Variants in MUC22 observed in about 807,000 individuals in gnomAD.
MUC22 encodes mucin 22, also known as mucin-22.
Under a neutral mutation model 40.3 loss-of-function variants are expected in MUC22, and 24 were observed. The ratio of observed to expected loss-of-function variants is 0.60; its 90% CI spans 0.43 to 0.84. The LOEUF is 0.84. MUC22 is among the 40% of genes least tolerant of loss of function. The pLI, the probability that MUC22 is intolerant of heterozygous loss-of-function variation, is 0.00. For synonymous variants in MUC22, 765 were observed against 844.5 expected (o/e 0.91, Z 1.63); for missense variants, 1,926 against 2,130.7 (o/e 0.90, Z 1.89).
exon 4 of MUC22, chr6:31,034,910 G>A: frequency 6.5e-7 from 1 of 1,535,602 alleles, no homozygotes; most frequent in Non-Finnish European, 8.7e-7. Context: ...AATCATGGCG[G>A]GCATTATGGA....
At chr6:31,025,641 C>T (rs1765222483) in exon 2 of MUC22, 1 of 1,533,264 alleles carries the variant, frequency 6.5e-7, no homozygotes, top group Non-Finnish European at 8.7e-7. Flanking sequence ...CAGACTCTAC[C>T]ACAGGCTCTG....
At chr6:31,007,856 G>A (rs1326129434), upstream of MUC22, among the ~76,000 whole-genome samples, 1 of 152,054 alleles carries the variant, frequency 6.6e-6, no homozygotes, top group Non-Finnish European at 1.5e-5. This position sits in a 1 kb window ranked among gnomAD's most constrained non-coding sequence, Gnocchi z 4.0. Flanking sequence ...TCTCCAAGGA[G>A]GCATTTAAAA....
chr6:31,009,493 G>A (rs915779081), upstream of MUC22, among the ~76,000 whole-genome samples: 1 of 152,208 alleles, frequency 6.6e-6, no homozygotes, highest in Admixed American at 6.5e-5. Flanking sequence ...GAGGTAGCCA[G>A]TATTTTGACT....
rs895857364 is a variant in MUC22 at position 31,029,666 on chromosome 6, G to A, written c.4235G>A (p.Gly1412Asp). ...GAGACCACCACAGTCTCTACCATAGGCTCTGAGGCCACCACATCCTCTGCT... is the reference window on the plus strand; with the variant it reads ...GAGACCACCACAGTCTCTACCATAGACTCTGAGGCCACCACATCCTCTGCT... Residue 1412 changes from glycine (G) to aspartate (D), a missense_variant, in exon 2 of 4, where the codon GGC becomes GAC. By Grantham distance (94) the Gly-to-Asp change is moderately conservative. Around this residue, in one of 3 missense-constraint regions of MUC22, gnomAD observed 610 missense variants for 714.6 expected, o/e 0.85. Transcript: ENST00000561890. 9 of 1,532,238 alleles carry A rather than the reference G, an allele frequency of 5.9e-6. No homozygotes were observed. The African/African-American group carries it at 1.3e-4, about 21-fold the overall frequency. 94.9% of individuals were successfully genotyped at this position (1,532,238 alleles called of 1,614,324 possible).
rs746635190 is a variant in MUC22 at position 31,032,568 on chromosome 6, T to A, written c.5042T>A (p.Leu1681Gln). Residue 1681 changes from leucine to glutamine, a missense_variant, in exon 3 of 4, where the codon CTG becomes CAG. Physicochemically the swap from Leu to Gln is moderately radical, Grantham distance 113. Coordinates refer to ENST00000561890, the Ensembl canonical transcript of MUC22. This position sits in a 1 kb window ranked among gnomAD's most constrained non-coding sequence, Gnocchi z 4.1. ...GCTGCTGTTGGATTGTCAGTAGGAC[T>A]GAGTTTTTGTCTGGTGAGTACCCAG... 1 of 1,534,338 alleles carries A rather than the reference T, an allele frequency of 6.5e-7. No homozygotes were observed. The highest frequency in any genetic ancestry group is 1.2e-5 in the South Asian group (1 of 83,866).
chr6:31,034,965 G>A (rs4713424), exon 4 of MUC22: 133,047 of 1,524,362 alleles, frequency 0.087, 8,909 homozygotes, highest in African/African-American at 0.32. Flanking sequence ...ATCACAGAGG[G>A]AGCCACCAAG....
chr6:31,020,254 A>ATC (rs9281103), intron 1 of MUC22, among the ~76,000 whole-genome samples: 22,039 of 152,128 alleles, frequency 0.14, 1,742 homozygotes, highest in African/African-American at 0.19. Context: ...AAAGACAAGC[A>ATC]TAACAGACTT....
chr6:31,021,751 C>T (rs1305544399), intron 1 of MUC22, among the ~76,000 whole-genome samples: 3 of 152,136 alleles, frequency 2.0e-5, no homozygotes, highest in Non-Finnish European at 4.4e-5. Flanking sequence ...CCTGTCAAAA[C>T]AGACCACTCG....
At chr6:31,013,877 GT>G (rs367718308) in intron 1 of MUC22, among the ~76,000 whole-genome samples, 2 of 151,454 alleles carry the variant, frequency 1.3e-5, no homozygotes, top group Non-Finnish European at 2.9e-5. Flanking sequence ...GGTTTTTTGG[GT>G]TTTTTTTCCT....
In MUC22 at chr6:31,029,214, A is replaced by G. The variant is rs114908185; in HGVS notation, c.3783A>G (p.Thr1261=). 11,133 of 1,434,626 alleles carry G rather than the reference A, an allele frequency of 7.8e-3. 431 individuals are homozygous for G. The East Asian group carries it at 0.11, about 15-fold the overall frequency. 88.9% of individuals were successfully genotyped at this position (1,434,626 alleles called of 1,614,324 possible). ...CTGAGACCACTACAGTCTCCTCCACAGGCTCTGAGACCACCACAGTCTCTA... is the reference window on the plus strand; with the variant it reads ...CTGAGACCACTACAGTCTCCTCCACGGGCTCTGAGACCACCACAGTCTCTA... Residue 1261 remains threonine, a synonymous_variant, in exon 2 of 4, where the codon ACA becomes ACG. Coordinates refer to ENST00000561890, the Ensembl canonical transcript of MUC22.
At position 31,011,169 on chromosome 6, in the gene MUC22, T is replaced by C. The variant is rs1581598207; in HGVS notation, c.70+393T>C. Among the ~76,000 whole-genome samples, 1 of 151,488 alleles carries C rather than the reference T, an allele frequency of 6.6e-6. No individual in the cohort carries two copies. The highest frequency in any genetic ancestry group is 1.9e-4 in the East Asian group (1 of 5,142). On this transcript the variant is annotated intron_variant, in intron 1 of 3. Coordinates refer to ENST00000561890, the Ensembl canonical transcript of MUC22. The surrounding 1 kb of genome is among the most constrained non-coding windows in gnomAD (Gnocchi z 4.5). Reference sequence around the variant, plus strand: ...CCAAATTAAAACCAGGATCTCAGTCTAAAGTCAAGTAAAAATCCTTCAATC... The same window carrying C: ...CCAAATTAAAACCAGGATCTCAGTCCAAAGTCAAGTAAAAATCCTTCAATC...
intron 1 of MUC22, among the ~76,000 whole-genome samples, chr6:31,015,855 T>G (rs1764158124): frequency 6.7e-6 from 1 of 149,088 alleles, no homozygotes; most frequent in East Asian, 2.2e-4. Flanking sequence ...TCTGGGAAAT[T>G]TTATTGCATT....
chr6:31,024,712 C>G (rs1765130342), intron 1 of MUC22, among the ~76,000 whole-genome samples: 1 of 152,176 alleles, frequency 6.6e-6, no homozygotes, highest in Admixed American at 6.5e-5. Flanking sequence ...GAAAAGGTCT[C>G]TCTACCGCCT....
chr6:31,033,173 G>A (rs1766193829), intron 3 of MUC22, among the ~76,000 whole-genome samples: 1 of 150,234 alleles, frequency 6.7e-6, no homozygotes. Context: ...TCGAAAGGAA[G>A]GAAGAAAGAA....
intron 1 of MUC22, among the ~76,000 whole-genome samples, chr6:31,018,462 G>A (rs1179921843): frequency 2.6e-5 from 4 of 152,202 alleles, no homozygotes; most frequent in African/African-American, 9.7e-5. Flanking sequence ...AGGCCTGTAT[G>A]TTGAAGCTTT....
At chr6:31,026,248 A>G (rs570804301) in exon 2 of MUC22, 39,282 of 1,263,064 alleles carry the variant, frequency 0.031, 2,847 homozygotes, top group Admixed American at 0.076. Context: ...AGCCTCTACC[A>G]CAGGCTCTGA....
exon 2 of MUC22, chr6:31,029,970 T>G (rs1236594989): frequency 6.5e-7 from 1 of 1,535,628 alleles, no homozygotes; most frequent in Non-Finnish European, 8.7e-7. Flanking sequence ...TCACAGGCTC[T>G]GAGACCACCA....
chr6:31,017,399 C>T (rs533162040), intron 1 of MUC22, among the ~76,000 whole-genome samples: 11 of 148,614 alleles, frequency 7.4e-5, no homozygotes, highest in South Asian at 2.2e-4. Flanking sequence ...GGTGGGGACT[C>T]GGAGAATCTT....
chr6:31,007,735 C>T (rs60620181), upstream of MUC22, among the ~76,000 whole-genome samples: 113 of 152,244 alleles, frequency 7.4e-4, 1 homozygote, highest in African/African-American at 2.7e-3. This position sits in a 1 kb window ranked among gnomAD's most constrained non-coding sequence, Gnocchi z 4.0. Context: ...CCTGGAATTC[C>T]CTACTCTGTG....
Sources: gnomAD v4.1 joint callset for allele counts (sites outside exome capture counted in the v4.1 genomes callset) on GRCh38, gnomAD v4.1.1 for gene constraint, gnomAD v4.1.1 regional missense constraint, Gnocchi (gnomAD v3.1) non-coding constraint, MANE v1.5 for transcripts, NCBI Gene and HGNC (gene_info 2026-07-23, HGNC 2026-07-21) for gene names.